Variants in CNTNAP4 observed in about 807,000 individuals in gnomAD.
The protein encoded by CNTNAP4 is contactin-associated protein-like 4.
In CNTNAP4, 98 loss-of-function variants were observed where a neutral mutation model predicts 148.4. That is an observed-to-expected ratio of 0.66 (90% CI 0.56 to 0.78). The LOEUF (loss-of-function observed/expected upper bound fraction) is 0.78, where lower values mean the gene tolerates loss of function less well. CNTNAP4 is among the 30% of genes least tolerant of loss of function. CNTNAP4 has a pLI of 0.00. For synonymous variants in CNTNAP4, 730 were observed against 565.1 expected, an observed-to-expected ratio of 1.29 and a Z score of -4.14; for missense variants, 1,935 against 1,565.6, an observed-to-expected ratio of 1.24 and a Z score of -3.98.
At chr16:76,467,958 A>G (rs1176619385) in intron 10 of CNTNAP4, among the ~76,000 whole-genome samples, 1 of 152,194 alleles carries the variant, frequency 6.6e-6, no homozygotes, top group Non-Finnish European at 1.5e-5. Context: ...TTTCCAAGGC[A>G]GGGGAATTCA....
chr16:76,314,150 T>C (rs8063374), intron 1 of CNTNAP4, among the ~76,000 whole-genome samples: 3 of 152,178 alleles, frequency 2.0e-5, no homozygotes, highest in Admixed American at 2.0e-4. Context: ...TATGTATGTA[T>C]ACACATTGAT....
chr16:76,373,093 T>C (rs535074325), intron 3 of CNTNAP4, among the ~76,000 whole-genome samples: 1 of 152,296 alleles, frequency 6.6e-6, no homozygotes, highest in African/African-American at 2.4e-5. Flanking sequence ...ACATCTGATA[T>C]TCCACATAAA....
intron 2 of CNTNAP4, among the ~76,000 whole-genome samples, chr16:76,348,392 A>G (rs1343090941): frequency 6.6e-6 from 1 of 152,090 alleles, no homozygotes; most frequent in South Asian, 2.1e-4. Context: ...AATTTTTGAC[A>G]CGTGGGTAAT....
intron 2 of CNTNAP4, among the ~76,000 whole-genome samples, chr16:76,320,250 C>A (rs1480544862): frequency 6.6e-6 from 1 of 151,956 alleles, no homozygotes; most frequent in Admixed American, 6.6e-5. Context: ...ATCTTGTAAA[C>A]AATGAACTTA....
intron 3 of CNTNAP4, among the ~76,000 whole-genome samples, chr16:76,415,661 T>G (rs1001298738): frequency 2.7e-5 from 4 of 150,904 alleles, no homozygotes; most frequent in Admixed American, 1.3e-4. Context: ...CAAAGAGGAA[T>G]CAGAATGTAT....
intron 2 of CNTNAP4, among the ~76,000 whole-genome samples, chr16:76,326,791 G>T (rs1256312824): frequency 3.3e-5 from 5 of 149,570 alleles, no homozygotes; most frequent in Non-Finnish European, 7.4e-5. Flanking sequence ...ACACACCGGG[G>T]CCTGTTGTGG....
chr16:76,385,252 A>T (rs1385758263), intron 3 of CNTNAP4, among the ~76,000 whole-genome samples: 1 of 152,180 alleles, frequency 6.6e-6, no homozygotes, highest in Non-Finnish European at 1.5e-5. Flanking sequence ...CCTGACAGTT[A>T]TGTTTTATAA....
intron 12 of CNTNAP4, among the ~76,000 whole-genome samples, chr16:76,480,709 G>T (rs1276982604): frequency 6.6e-6 from 1 of 152,106 alleles, no homozygotes; most frequent in African/African-American, 2.4e-5. Context: ...CTGCACTTCA[G>T]CCTGGTGACA....
chr16:76,308,575 C>T (rs1489728443), intron 1 of CNTNAP4, among the ~76,000 whole-genome samples: 7 of 152,044 alleles, frequency 4.6e-5, no homozygotes, highest in Admixed American at 2.6e-4. Flanking sequence ...TTCACAGTCC[C>T]GTGAAACAGT....
chr16:76,485,473 A>G (rs556876094), intron 12 of CNTNAP4, among the ~76,000 whole-genome samples: 2 of 152,312 alleles, frequency 1.3e-5, no homozygotes, highest in Non-Finnish European at 2.9e-5. Flanking sequence ...CTTGTTATCA[A>G]ATATTGCACT....
chr16:76,326,966 C>CA lies in CNTNAP4; in HGVS notation c.196+10453dup, dbSNP rs370233510. 9.4e-3 allele frequency among the ~76,000 whole-genome samples: 1,360 copies of CA among 144,110 alleles called. 17 individuals are homozygous for CA. The highest frequency in any genetic ancestry group is 0.033 in the African/African-American group (1,277 of 39,164). 94.5% of individuals were successfully genotyped at this position (144,110 alleles called of 152,430 possible). A position where few individuals can be genotyped will look rare whatever the true frequency, so the allele number is the denominator to read the frequency against. The stretch of plus-strand genomic sequence containing the variant: ...AAGTAAGAATAAAATTTAAAAAATA[C>CA]AAAAAAAAAAGAAAACCAAAAAAGC... On this transcript the variant is annotated intron_variant, in intron 2 of 23. Transcript: ENST00000611870.
rs557622035 is a variant in CNTNAP4, at chr16:76,277,613, C to A, written c.-50C>A. 6 of 1,285,078 alleles carry A rather than the reference C, an allele frequency of 4.7e-6. No homozygotes were observed. Among genetic ancestry groups the A allele is most frequent in the Non-Finnish European group, 5.5e-6 (5 of 901,068 alleles). 79.6% of individuals were successfully genotyped at this position (1,285,078 alleles called of 1,614,324 possible). A position where few individuals can be genotyped will look rare whatever the true frequency, so the allele number is the denominator to read the frequency against. Reference sequence around the variant, plus strand: ...AGAGCTACTGAGAAGAGGACTGGAGCGCTCTGAGAGCCTCTCAAGATCTTT... The same window carrying A: ...AGAGCTACTGAGAAGAGGACTGGAGAGCTCTGAGAGCCTCTCAAGATCTTT... On this transcript the variant is annotated 5_prime_UTR_variant, in exon 1 of 24. Transcript: ENST00000611870.
chr16:76,325,857 T>C (rs1357917012), intron 2 of CNTNAP4, among the ~76,000 whole-genome samples: 1 of 152,124 alleles, frequency 6.6e-6, no homozygotes, highest in Non-Finnish European at 1.5e-5. Flanking sequence ...AGAAACTTTC[T>C]GCTAATTTTG....
Position 76,307,532 on chromosome 16 carries a change from A to ATG in CNTNAP4, c.86-8880_86-8879insGT, listed in dbSNP as rs1387417577. Among the ~76,000 whole-genome samples, 9 of 130,828 alleles carry ATG rather than the reference A, an allele frequency of 6.9e-5. 1 individual carries two copies. Among genetic ancestry groups the ATG allele is most frequent in the African/African-American group, 2.8e-4 (9 of 32,328 alleles). The allele number at this position is 130,828 out of a possible 152,430, so 85.8% of individuals were successfully genotyped here. A position where few individuals can be genotyped will look rare whatever the true frequency, so the allele number is the denominator to read the frequency against. ...TATATATATATATATATATATATATATATATATACCAAACTCCAGAAATGC... is the reference window on the plus strand; with the variant it reads ...TATATATATATATATATATATATATATGTATATATACCAAACTCCAGAAATGC... On this transcript the variant is annotated intron_variant, in intron 1 of 23. Transcript: ENST00000611870.
intron 12 of CNTNAP4, among the ~76,000 whole-genome samples, chr16:76,480,868 T>A (rs1023702386): frequency 6.6e-6 from 1 of 152,234 alleles, no homozygotes; most frequent in African/African-American, 2.4e-5. Flanking sequence ...TAGGTTGGTG[T>A]GATTATTTTG....
At chr16:76,482,432 A>G (rs1567113) in intron 12 of CNTNAP4, among the ~76,000 whole-genome samples, 4 of 130,670 alleles carry the variant, frequency 3.1e-5, no homozygotes, top group Middle Eastern at 3.6e-3. Flanking sequence ...GTTTTACACA[A>G]TTTTTTTTTT....
intron 4 of CNTNAP4, among the ~76,000 whole-genome samples, chr16:76,431,897 C>T (rs186104182): frequency 6.6e-6 from 1 of 151,864 alleles, no homozygotes; most frequent in Admixed American, 6.6e-5. Context: ...TGGAAGGAAA[C>T]AAGAGATAAT....
At chr16:76,474,854 T>G (rs553339168) in intron 10 of CNTNAP4, among the ~76,000 whole-genome samples, 4 of 152,230 alleles carry the variant, frequency 2.6e-5, no homozygotes, top group African/African-American at 7.2e-5. Context: ...TCCAAAAAAC[T>G]TAACAATGCC....
chr16:76,333,289 C>T (rs1549660), intron 2 of CNTNAP4, among the ~76,000 whole-genome samples: 82,619 of 151,828 alleles, frequency 0.54, 22,811 homozygotes, highest in African/African-American at 0.59. Flanking sequence ...GTATGTACTA[C>T]GCTTTCTGTT....
Sources: gnomAD v4.1 joint callset for allele counts (sites outside exome capture counted in the v4.1 genomes callset) on GRCh38, gnomAD v4.1.1 for gene constraint, MANE v1.5 for transcripts, NCBI Gene and HGNC (gene_info 2026-07-23, HGNC 2026-07-21) for gene names.